ADAMTS6: variants seen among roughly 807,000 people sequenced by gnomAD.
ADAMTS6 encodes ADAM metallopeptidase with thrombospondin type 1 motif 6.
In ADAMTS6, 23 loss-of-function variants were observed where a neutral mutation model predicts 144.3. That is an observed-to-expected ratio of 0.16 (90% CI 0.11 to 0.23). The LOEUF is 0.23. Ranked by LOEUF, ADAMTS6 falls within the 10% of genes least tolerant of loss-of-function variation. ADAMTS6 has a pLI of 1.00. For synonymous variants in ADAMTS6, 444 were observed against 457.5 expected (o/e 0.97, Z 0.38); for missense variants, 999 against 1,379.6 (o/e 0.72, Z 4.37).
chr5:65,403,006 C>G (rs971507889), intron 7 of ADAMTS6, among the ~76,000 whole-genome samples: 1 of 151,876 alleles, frequency 6.6e-6, no homozygotes, highest in Non-Finnish European at 1.5e-5. Flanking sequence ...AATCTTTCTG[C>G]TTACCCCTCT....
At chr5:65,248,033 T>C (rs1188998984) in intron 14 of ADAMTS6, among the ~76,000 whole-genome samples, 1 of 152,154 alleles carries the variant, frequency 6.6e-6, no homozygotes, top group East Asian at 1.9e-4. Context: ...TACATTTTTA[T>C]GTGTTCACCC....
chr5:65,226,468 C>T (rs1320830472), intron 15 of ADAMTS6, among the ~76,000 whole-genome samples: 1 of 151,278 alleles, frequency 6.6e-6, no homozygotes, highest in Admixed American at 6.6e-5. Flanking sequence ...TTATTTATAA[C>T]ATAATTATAT....
chr5:65,226,250 GGA>G, intron 15 of ADAMTS6, 31 bp from the exon 16 acceptor site: 2 of 1,603,416 alleles, frequency 1.2e-6, no homozygotes, highest in Non-Finnish European at 1.7e-6. Flanking sequence ...AGAAATAAGT[GGA>G]GTGGTTGTCC....
At chr5:65,270,635 T>C (rs999811564) in intron 12 of ADAMTS6, among the ~76,000 whole-genome samples, 3 of 152,204 alleles carry the variant, frequency 2.0e-5, no homozygotes, top group African/African-American at 7.2e-5. Context: ...TTAAGACTTA[T>C]TAGTGTCATT....
chr5:65,294,089 T>C (rs1742595966), intron 10 of ADAMTS6, among the ~76,000 whole-genome samples: 1 of 152,218 alleles, frequency 6.6e-6, no homozygotes, highest in South Asian at 2.1e-4. Flanking sequence ...GCAAGGTGGA[T>C]TTAAATTGGT....
chr5:65,430,381 G>T (rs1024471614), intron 7 of ADAMTS6, among the ~76,000 whole-genome samples: 1 of 152,028 alleles, frequency 6.6e-6, no homozygotes, highest in African/African-American at 2.4e-5. Flanking sequence ...CCCAGTATAA[G>T]GCAAAGGTGA....
At chr5:65,436,389 T>C (rs1355586599) in intron 7 of ADAMTS6, among the ~76,000 whole-genome samples, 2 of 152,184 alleles carry the variant, frequency 1.3e-5, no homozygotes, top group Non-Finnish European at 2.9e-5. Context: ...CTTCAACAAA[T>C]TGTGACATTA....
At chr5:65,172,510 G>A (rs888531731) in intron 23 of ADAMTS6, among the ~76,000 whole-genome samples, 3 of 152,000 alleles carry the variant, frequency 2.0e-5, no homozygotes, top group African/African-American at 7.2e-5. Flanking sequence ...TTGACAGCTG[G>A]GACTAGAATC....
rs553098208 is a variant in ADAMTS6 at position 65,479,114 on chromosome 5, GTTAT to G, written c.-280+2225_-280+2228del. On this transcript the variant is annotated intron_variant, in intron 1 of 24. Transcript: ENST00000381055. ...ACTTCTTTCATCCATCTTAACTCTG[GTTAT>G]TTATTTAAGGCTGATTTGGTCTCCA... 8.4e-4 allele frequency among the ~76,000 whole-genome samples: 128 copies of G among 152,156 alleles called. 1 individual carries two copies. The highest frequency in any genetic ancestry group is 3.0e-3 in the African/African-American group (124 of 41,496).
chr5:65,356,428 T>C (rs867503329), intron 7 of ADAMTS6, among the ~76,000 whole-genome samples: 2 of 151,880 alleles, frequency 1.3e-5, no homozygotes, highest in Non-Finnish European at 2.9e-5. Flanking sequence ...TCCACAATTA[T>C]GTCAAATGAC....
rs1455317747 is a variant in ADAMTS6 at position 65,213,578 on chromosome 5, T to A, written c.2575+1216A>T. On this transcript the variant is annotated intron_variant, in intron 20 of 24. Transcript: ENST00000381055. ...TGAGCCCAGGAGGTTGAGGCTGCAG[T>A]GAGCCATGATCGTGTCACTGCACTC... Among the ~76,000 whole-genome samples the A allele has an allele frequency of 3.3e-5, 5 of 151,598 alleles. 1 individual carries two copies. Among genetic ancestry groups the A allele is most frequent in the Non-Finnish European group, 7.4e-5 (5 of 67,944 alleles).
At chr5:65,170,579 A>G (rs199882479) in intron 24 of ADAMTS6, 38 bp downstream of exon 24, 2 of 1,607,966 alleles carry the variant, frequency 1.2e-6, no homozygotes, top group Non-Finnish European at 1.7e-6. Flanking sequence ...AAGGTGGGTC[A>G]TTAGAAACCA....
At chr5:65,168,769 A>G (rs959949709) in intron 24 of ADAMTS6, among the ~76,000 whole-genome samples, 2 of 146,980 alleles carry the variant, frequency 1.4e-5, no homozygotes, top group Non-Finnish European at 3.0e-5. Context: ...AACCTTAGAA[A>G]AACAAGCAAT....
chr5:65,419,524 T>C (rs1755834543), intron 7 of ADAMTS6, among the ~76,000 whole-genome samples: 1 of 152,122 alleles, frequency 6.6e-6, no homozygotes, highest in African/African-American at 2.4e-5. Context: ...GCAACAAATC[T>C]GCACATGCAA....
intron 12 of ADAMTS6, among the ~76,000 whole-genome samples, chr5:65,268,536 A>ACAGTACC (rs1761808275): frequency 6.6e-6 from 1 of 152,140 alleles, no homozygotes; most frequent in African/African-American, 2.4e-5. Flanking sequence ...CCATAGACAC[A>ACAGTACC]CAGTACCAGC....
intron 9 of ADAMTS6, among the ~76,000 whole-genome samples, chr5:65,324,388 A>C (rs1745962872): frequency 6.6e-6 from 1 of 152,170 alleles, no homozygotes; most frequent in South Asian, 2.1e-4. Flanking sequence ...CTTTTTTAGG[A>C]CACAAAAAGC....
intron 7 of ADAMTS6, among the ~76,000 whole-genome samples, chr5:65,419,811 A>G (rs1391208740): frequency 6.6e-6 from 1 of 152,228 alleles, no homozygotes; most frequent in African/African-American, 2.4e-5. Flanking sequence ...AATAATGTAA[A>G]TTAGTGGTTA....
chr5:65,473,825 AC>A lies in ADAMTS6; in HGVS notation c.-153del. The A allele has an allele frequency of 3.5e-6, 2 of 564,964 alleles. No homozygotes were observed. The highest frequency in any genetic ancestry group is 5.6e-5 in the East Asian group (2 of 35,700). 35.0% of individuals were successfully genotyped at this position (564,964 alleles called of 1,614,324 possible). On this transcript the variant is annotated 5_prime_UTR_variant, in exon 2 of 25. An upstream start codon of the reference 5' UTR is lost. Transcript: ENST00000381055. ...ACTGTTTAAGAGCCACTTTTATCCA[AC>A]ATCCTGCACTTTCTTCTATATCTGG...
At chr5:65,228,334 T>C (rs1017125519) in intron 15 of ADAMTS6, among the ~76,000 whole-genome samples, 1 of 152,202 alleles carries the variant, frequency 6.6e-6, no homozygotes. Flanking sequence ...ATAAATACTA[T>C]GGTTATATTC....
Sources: gnomAD v4.1 joint callset for allele counts (sites outside exome capture counted in the v4.1 genomes callset) on GRCh38, gnomAD v4.1.1 for gene constraint, MANE v1.5 for transcripts, NCBI Gene and HGNC (gene_info 2026-07-23, HGNC 2026-07-21) for gene names.